The following NALF1 variants were observed in gnomAD, a reference collection of about 807,000 sequenced individuals.
NALF1 encodes family with sequence similarity 155 member A.
Under a neutral mutation model 48.4 loss-of-function variants are expected in NALF1, and 3 were observed. That is an observed-to-expected ratio of 0.06 (90% CI 0.03 to 0.16). NALF1 has a LOEUF of 0.16. NALF1 is among the 10% of genes least tolerant of loss of function. The pLI is 1.00. For missense variants in NALF1, 526 were observed against 571.5 expected, an observed-to-expected ratio of 0.92 and a Z score of 0.81; for synonymous variants, 262 against 245.7, an observed-to-expected ratio of 1.07 and a Z score of -0.62.
At chr13:107,504,236 G>A (rs1054583084) in intron 1 of NALF1, among the ~76,000 whole-genome samples, 4 of 144,788 alleles carry the variant, frequency 2.8e-5, no homozygotes, top group Non-Finnish European at 6.0e-5. Flanking sequence ...GGACTACAGA[G>A]TGAGGCCCTA....
intron 1 of NALF1, among the ~76,000 whole-genome samples, chr13:107,317,809 T>C (rs1336524655): frequency 2.0e-5 from 3 of 151,524 alleles, no homozygotes; most frequent in African/African-American, 4.9e-5. Flanking sequence ...TGAGATAAAA[T>C]TGAGAGAAAA....
intron 1 of NALF1, among the ~76,000 whole-genome samples, chr13:107,605,365 C>T (rs545054657): frequency 1.1e-4 from 16 of 152,218 alleles, no homozygotes; most frequent in African/African-American, 3.9e-4. Context: ...GCGTCATAAC[C>T]AACTGTTCCT....
Position 107,169,165 on chromosome 13 carries a change from G to A in NALF1, c.*1332C>T, listed in dbSNP as rs1878735489. On this transcript the variant is annotated 3_prime_UTR_variant, in exon 3 of 3. Transcript: ENST00000375915. ...GACCTCTTTTCCTCAACTACCTAGA[G>A]CATGTTAGAGTGATAAAGTTTTTGC... 1 of 152,464 alleles carries A rather than the reference G, an allele frequency of 6.6e-6. No individual in the cohort carries two copies. The highest frequency in any genetic ancestry group is 6.6e-5 in the Admixed American group (1 of 15,266). The allele number at this position is 152,464 out of a possible 1,614,324, so 9.4% of individuals were successfully genotyped here.
chr13:107,247,308 T>C (rs1034328348), intron 1 of NALF1, among the ~76,000 whole-genome samples: 4 of 152,208 alleles, frequency 2.6e-5, no homozygotes, highest in Non-Finnish European at 5.9e-5. Flanking sequence ...TAAAAATGTG[T>C]CTAGTATCCT....
chr13:107,648,557 T>C (rs1386560847), intron 1 of NALF1, among the ~76,000 whole-genome samples: 12 of 152,166 alleles, frequency 7.9e-5, no homozygotes, highest in Non-Finnish European at 1.3e-4. Context: ...TGTATAGATA[T>C]ACAAAAGTTT....
chr13:107,250,974 C>T (rs9514640), intron 1 of NALF1, among the ~76,000 whole-genome samples: 35,036 of 152,076 alleles, frequency 0.23, 4,974 homozygotes, highest in South Asian at 0.43. Flanking sequence ...GCCTCCCCAG[C>T]CATGCCTACT....
intron 1 of NALF1, among the ~76,000 whole-genome samples, chr13:107,756,539 G>A (rs1224639778): frequency 1.3e-5 from 2 of 151,400 alleles, no homozygotes; most frequent in East Asian, 3.9e-4. Context: ...ATAAACATTA[G>A]TCTGGGTAGG....
intron 1 of NALF1, among the ~76,000 whole-genome samples, chr13:107,793,718 T>G (rs920006048): frequency 2.6e-5 from 4 of 152,204 alleles, no homozygotes; most frequent in African/African-American, 9.6e-5. Context: ...ATTTCTACTC[T>G]GATTTTGGGT....
intron 1 of NALF1, among the ~76,000 whole-genome samples, chr13:107,211,930 T>A (rs1879770482): frequency 6.6e-6 from 1 of 152,176 alleles, no homozygotes; most frequent in Admixed American, 6.5e-5. Context: ...TGAACAGGAA[T>A]AATATTAAGT....
intron 1 of NALF1, among the ~76,000 whole-genome samples, chr13:107,623,940 A>G (rs1309390841): frequency 1.3e-5 from 2 of 152,212 alleles, no homozygotes; most frequent in African/African-American, 4.8e-5. Flanking sequence ...ATGAAAGTGT[A>G]TATGGAGATG....
intron 1 of NALF1, among the ~76,000 whole-genome samples, chr13:107,745,020 C>G (rs1401338068): frequency 6.6e-6 from 1 of 152,116 alleles, no homozygotes; most frequent in Non-Finnish European, 1.5e-5. Flanking sequence ...AGTATCAACA[C>G]GAAAGTTAGA....
chr13:107,595,547 T>C (rs1038291287), intron 1 of NALF1, among the ~76,000 whole-genome samples: 2 of 152,176 alleles, frequency 1.3e-5, no homozygotes, highest in African/African-American at 2.4e-5. Context: ...AAACTAGTAC[T>C]AAATAATTGC....
chr13:107,364,570 G>A lies in NALF1; in HGVS notation c.916-153815C>T, dbSNP rs115317814. On this transcript the variant is annotated intron_variant, in intron 1 of 2. Transcript: ENST00000375915. ...TCCTTAAGAACAGAAAAGCCAGGCT[G>A]CTGTGTTCTCAGCACCCAGTGCAGT... Among the ~76,000 whole-genome samples the A allele has an allele frequency of 8.2e-3, 1,244 of 152,348 alleles. 23 individuals carry two copies. Among genetic ancestry groups the A allele is most frequent in the African/African-American group, 0.029 (1,189 of 41,582 alleles).
At chr13:107,200,060 C>T (rs983656823) in intron 2 of NALF1, among the ~76,000 whole-genome samples, 2 of 152,202 alleles carry the variant, frequency 1.3e-5, no homozygotes, top group African/African-American at 2.4e-5. Context: ...GTCCTGTGGA[C>T]ACACCAGAGG....
rs9555399 is a variant in NALF1, at chr13:107,668,444, G to A, written c.915+197238C>T. Among the ~76,000 whole-genome samples the A allele has an allele frequency of 0.017, 2,643 of 151,924 alleles. 146 individuals are homozygous for A. The East Asian group carries it at 0.2, about 11-fold the overall frequency. ...GGTGCCTCTTATCTTCCTATCCTGA[G>A]AGTCACTCAGCTTCAACTTCTCTAG... On this transcript the variant is annotated intron_variant, in intron 1 of 2. Transcript: ENST00000375915.
intron 1 of NALF1, among the ~76,000 whole-genome samples, chr13:107,372,148 G>T (rs372281325): frequency 6.6e-6 from 1 of 152,090 alleles, no homozygotes; most frequent in African/African-American, 2.4e-5. Flanking sequence ...AAATCATTAC[G>T]AGATGAACTA....
chr13:107,296,362 G>C (rs1254514553), intron 1 of NALF1, among the ~76,000 whole-genome samples: 1 of 152,084 alleles, frequency 6.6e-6, no homozygotes, highest in Non-Finnish European at 1.5e-5. Context: ...AGTTAAATTT[G>C]TTCACAGCTT....
In NALF1 at chr13:107,167,441, G is replaced by A. The variant is rs564282893; in HGVS notation, c.*3056C>T. 1 of 152,328 alleles carries A rather than the reference G, an allele frequency of 6.6e-6. No homozygotes were observed. The highest frequency in any genetic ancestry group is 2.1e-4 in the South Asian group (1 of 4,830). 9.4% of individuals were successfully genotyped at this position (152,328 alleles called of 1,614,324 possible). A position where few individuals can be genotyped will look rare whatever the true frequency, so the allele number is the denominator to read the frequency against. On this transcript the variant is annotated 3_prime_UTR_variant, in exon 3 of 3. Coordinates refer to ENST00000375915, the MANE Select transcript of NALF1 (RefSeq NM_001080396.3). ...TTCTGAGCTTGGGAAAGGAGTCGTTGCCTATTTGGATCCTCTGCCTGACCC... is the reference window on the plus strand; with the variant it reads ...TTCTGAGCTTGGGAAAGGAGTCGTTACCTATTTGGATCCTCTGCCTGACCC...
At chr13:107,857,815 T>G (rs1242488995) in intron 1 of NALF1, among the ~76,000 whole-genome samples, 1 of 152,236 alleles carries the variant, frequency 6.6e-6, no homozygotes, top group Admixed American at 6.5e-5. Context: ...TACAGAAAAT[T>G]TATATGAGAT....
Sources: allele counts gnomAD v4.1 joint callset (sites outside exome capture counted in the v4.1 genomes callset), GRCh38; gene constraint gnomAD v4.1.1; transcripts MANE v1.5; gene names NCBI Gene and HGNC (gene_info 2026-07-23, HGNC 2026-07-21).